Variants in ECPAS observed in about 807,000 individuals in gnomAD.
The protein encoded by ECPAS is Ecm29 proteasome adaptor and scaffold, also known as proteasome adapter and scaffold protein ECM29.
In ECPAS, 70 loss-of-function variants were observed where a neutral mutation model predicts 255.1. That is an observed-to-expected ratio of 0.27 (90% CI 0.23 to 0.33). ECPAS has a LOEUF of 0.33. Ranked by LOEUF, ECPAS falls within the 10% of genes least tolerant of loss-of-function variation. The pLI, the probability that ECPAS is intolerant of heterozygous loss-of-function variation, is 1.00. For synonymous variants in ECPAS, 784 were observed against 775.0 expected, an observed-to-expected ratio of 1.01 and a Z score of -0.19; for missense variants, 1,817 against 2,206.4, an observed-to-expected ratio of 0.82 and a Z score of 3.54.
At chr9:111,437,494 C>A (rs2098239860) in intron 6 of ECPAS, among the ~76,000 whole-genome samples, 1 of 152,120 alleles carries the variant, frequency 6.6e-6, no homozygotes. Flanking sequence ...TTGCACTATA[C>A]CCAAAGGAGA....
chr9:111,362,581 A>C (rs974472482), intron 49 of ECPAS, among the ~76,000 whole-genome samples: 2 of 152,194 alleles, frequency 1.3e-5, no homozygotes, highest in Admixed American at 1.3e-4. Flanking sequence ...AAGAAATGTC[A>C]TAATTGCAAG....
chr9:111,369,042 C>T lies in ECPAS; in HGVS notation c.5106G>A (p.Glu1702=), dbSNP rs1293073495. 1.3e-6 allele frequency: 2 copies of T among 1,584,994 alleles called. No individual in the cohort carries two copies. Among genetic ancestry groups the T allele is most frequent in the African/African-American group, 1.4e-5 (1 of 72,802 alleles). ...SLGKAWPRNA[E]TQRCYRQELC... ...GCAGTTTCTGGTGCTTACGTTGGGT[C>T]TCCGCGTTTCGCGGCCAGGCTTTGC... The change falls in exon 46 of 50, where the codon GAG becomes GAA. Residue 1702 remains glutamate (E), a synonymous_variant. Coordinates refer to ENST00000684092, the MANE Select transcript of ECPAS (RefSeq NM_001364929.1).
chr9:111,462,396 C>T (rs1194446735), intron 2 of ECPAS, among the ~76,000 whole-genome samples: 1 of 152,040 alleles, frequency 6.6e-6, no homozygotes, highest in Non-Finnish European at 1.5e-5. Flanking sequence ...ATCATCACTT[C>T]CAAGCAAATT....
chr9:111,385,108 A>G (rs995584531), intron 33 of ECPAS, among the ~76,000 whole-genome samples: 4 of 152,206 alleles, frequency 2.6e-5, no homozygotes, highest in African/African-American at 7.2e-5. Flanking sequence ...TGAGATCTCT[A>G]TTGAAAGAAG....
At chr9:111,427,603 C>T (rs1001249282) in intron 10 of ECPAS, among the ~76,000 whole-genome samples, 4 of 152,154 alleles carry the variant, frequency 2.6e-5, no homozygotes, top group African/African-American at 4.8e-5. Context: ...AAAGAGATAT[C>T]CTGGGGATGA....
chr9:111,442,350 C>T lies in ECPAS; in HGVS notation c.345G>A (p.Thr115=), dbSNP rs750292438. Residue 115 remains threonine, a synonymous_variant, in exon 5 of 50, where the codon ACG becomes ACA. Coordinates refer to ENST00000684092, the MANE Select transcript of ECPAS (RefSeq NM_001364929.1). ...GCTTCCCTTCCATGGCAGTAAGAAG[C>T]GTAGGGGCCAGTTCACATTGTTTTT... The part of the protein sequence containing the change: ...PVEKQCELAP[T]LLTAMEGKPQ... 8 of 1,612,818 alleles carry T rather than the reference C, an allele frequency of 5.0e-6. No individual in the cohort carries two copies. Among genetic ancestry groups the T allele is most frequent in the South Asian group, 1.1e-5 (1 of 90,760 alleles).
chr9:111,378,005 G>A (rs1169404951), intron 36 of ECPAS, among the ~76,000 whole-genome samples: 2 of 152,088 alleles, frequency 1.3e-5, no homozygotes, highest in African/African-American at 4.8e-5. Context: ...AATCAGCTGG[G>A]TGTGGTGGCG....
At chr9:111,483,992 C>T (rs1769394418) in intron 1 of ECPAS, 124 bp downstream of exon 1, 2 of 1,000,068 alleles carry the variant, frequency 2.0e-6, no homozygotes, top group Admixed American at 6.0e-5. Context: ...CACCTGTCGC[C>T]GCCCGCCCCG....
At chr9:111,432,892 C>T (rs983456028) in intron 8 of ECPAS, among the ~76,000 whole-genome samples, 1 of 152,020 alleles carries the variant, frequency 6.6e-6, no homozygotes, top group Admixed American at 6.6e-5. Flanking sequence ...AAAGTAATCT[C>T]GAATGGTTTG....
rs541812493 is a variant in ECPAS, at chr9:111,461,985, A to G, written c.23-10430T>C. Reference sequence around the variant, plus strand: ...GGGAAAGACTCACTCCCATGATTCAATCATCTCCCACTGCATCCCTCCCAC... The same window carrying G: ...GGGAAAGACTCACTCCCATGATTCAGTCATCTCCCACTGCATCCCTCCCAC... On this transcript the variant is annotated intron_variant, in intron 2 of 49. Coordinates refer to ENST00000684092, the MANE Select transcript of ECPAS (RefSeq NM_001364929.1). 1.2e-4 allele frequency among the ~76,000 whole-genome samples: 19 copies of G among 152,322 alleles called. No individual in the cohort carries two copies. The South Asian group carries it at 3.3e-3, about 27-fold the overall frequency.
chr9:111,397,099 T>C lies in ECPAS; in HGVS notation c.2707A>G (p.Ile903Val), dbSNP rs1428869817. The C allele has an allele frequency of 2.5e-6, 4 of 1,613,780 alleles. No homozygotes were observed. The African/African-American group carries it at 4.0e-5, about 16-fold the overall frequency. The change falls in exon 25 of 50, where the codon ATA (isoleucine) becomes GTA (valine). Residue 903 changes from isoleucine to valine, a missense_variant. Around this residue, in one of 4 missense-constraint regions of ECPAS, gnomAD observed 960 missense variants for 1,179.0 expected, o/e 0.81. Coordinates refer to ENST00000684092, the MANE Select transcript of ECPAS (RefSeq NM_001364929.1). ...CGGGCAGCCACAGAACTAGTTCCTATTGCAGCACTGGTAATGGCTTCGCCA... is the reference window on the plus strand; with the variant it reads ...CGGGCAGCCACAGAACTAGTTCCTACTGCAGCACTGGTAATGGCTTCGCCA... ...TIGEAITSAA[I>V]GTSSVAARDA... is the part of the protein sequence containing the mutation.
At chr9:111,484,067 G>C (rs1468976036) in intron 1 of ECPAS, 49 bp downstream of exon 1, 1 of 1,144,998 alleles carries the variant, frequency 8.7e-7, no homozygotes, top group African/African-American at 1.6e-5. Context: ...TAACCGCGCC[G>C]CCGCGCGCGC....
At chr9:111,375,083 C>G (rs764813783) in intron 38 of ECPAS, 30 bp downstream of exon 38, 1 of 1,494,056 alleles carries the variant, frequency 6.7e-7, no homozygotes, top group Non-Finnish European at 9.3e-7. Context: ...AATGAAGATG[C>G]ACATTTCCTC....
At chr9:111,385,271 A>T in intron 33 of ECPAS, 66 bp downstream of exon 33, 1 of 833,790 alleles carries the variant, frequency 1.2e-6, no homozygotes, top group Non-Finnish European at 1.9e-6. Context: ...CATACACAAC[A>T]TAAATATTTT....
chr9:111,366,679 A>G, intron 46 of ECPAS, 52 bp from the exon 47 acceptor site: 1 of 1,183,812 alleles, frequency 8.4e-7, no homozygotes, highest in South Asian at 1.3e-5. Context: ...TAAAAGAACA[A>G]GAGATGGAAT....
At chr9:111,410,944 C>T (rs1251719846) in intron 22 of ECPAS, 36 bp downstream of exon 22, 5 of 1,553,512 alleles carry the variant, frequency 3.2e-6, no homozygotes, top group Non-Finnish European at 4.4e-6. Flanking sequence ...AATTCAAAAA[C>T]TGCAACACCC....
intron 29 of ECPAS, 111 bp from the exon 30 acceptor site, chr9:111,390,212 T>A: frequency 1.7e-6 from 1 of 591,726 alleles, no homozygotes; most frequent in South Asian, 2.6e-5. Flanking sequence ...TTCACTCAAT[T>A]TCTAATACTG....
In ECPAS at chr9:111,361,176, G is replaced by A. The variant is rs1025293009; in HGVS notation, c.*854C>T. The A allele has an allele frequency of 7.9e-5, 12 of 152,256 alleles. No homozygotes were observed. Among genetic ancestry groups the A allele is most frequent in the East Asian group, 1.9e-4 (1 of 5,188 alleles). 9.4% of individuals were successfully genotyped at this position (152,256 alleles called of 1,614,324 possible). On this transcript the variant is annotated 3_prime_UTR_variant, in exon 50 of 50. Transcript: ENST00000684092. The stretch of plus-strand genomic sequence containing the variant: ...TGACATTATAAATGGTCTAAACCAC[G>A]GCAGTCTGCGATTTTGTTTCTGGTT...
chr9:111,454,310 T>TGGGGGGGAGGGGGG (rs71501914), intron 2 of ECPAS, among the ~76,000 whole-genome samples: 1 of 20,064 alleles, frequency 5.0e-5, no homozygotes, highest in Non-Finnish European at 9.0e-5. Context: ...TGGGGGGAGA[T>TGGGGGGGAGGGGGG]GGGGGGGTGG....
Sources: gnomAD v4.1 joint callset for allele counts (sites outside exome capture counted in the v4.1 genomes callset) on GRCh38, gnomAD v4.1.1 for gene constraint, gnomAD v4.1.1 regional missense constraint, MANE v1.5 for transcripts, NCBI Gene and HGNC (gene_info 2026-07-23, HGNC 2026-07-21) for gene names.